GRIN2A: variants seen among roughly 807,000 people sequenced by gnomAD.
GRIN2A encodes the protein glutamate receptor ionotropic, NMDA 2A.
Under a neutral mutation model 113.4 loss-of-function variants are expected in GRIN2A, and 22 were observed. That is an observed-to-expected ratio of 0.19 (90% confidence interval 0.14 to 0.28). The LOEUF is 0.28. Ranked by LOEUF, GRIN2A falls within the 10% of genes least tolerant of loss-of-function variation. The pLI is 1.00. For synonymous variants in GRIN2A, 827 were observed against 738.4 expected, an observed-to-expected ratio of 1.12 and a Z score of -1.94; for missense variants, 1,502 against 1,887.0, an observed-to-expected ratio of 0.80 and a Z score of 3.78.
At chr16:9,815,820 G>A (rs975691373) in intron 10 of GRIN2A, among the ~76,000 whole-genome samples, 7 of 152,180 alleles carry the variant, frequency 4.6e-5, no homozygotes, top group South Asian at 2.1e-4. Context: ...ACACATCTAC[G>A]TTCACAGAAG....
chr16:9,893,623 T>C (rs2043744092), intron 3 of GRIN2A, among the ~76,000 whole-genome samples: 1 of 152,148 alleles, frequency 6.6e-6, no homozygotes, highest in African/African-American at 2.4e-5. Context: ...CCCACCACTA[T>C]GCCCAGCTAA....
chr16:9,962,821 C>T (rs1310107234), intron 2 of GRIN2A, among the ~76,000 whole-genome samples: 16 of 152,204 alleles, frequency 1.1e-4, no homozygotes, highest in African/African-American at 3.1e-4. Flanking sequence ...CACATACACA[C>T]GTATGTTTAC....
chr16:9,937,117 CTT>C (rs1489818198), intron 3 of GRIN2A, among the ~76,000 whole-genome samples: 4 of 152,084 alleles, frequency 2.6e-5, no homozygotes, highest in African/African-American at 9.7e-5. Flanking sequence ...ATGATGAATT[CTT>C]GAGGTGATGA....
rs765596168 is a variant in GRIN2A, at chr16:9,764,963, C to T, written c.2596-15G>A. The stretch of plus-strand genomic sequence containing the variant: ...CTGTAGATGCCCTGTAGGGGAGCAA[C>T]ATAAAGCACTGTCAGCAGCAGCAGC... On this transcript the variant is annotated splice_polypyrimidine_tract_variant and intron_variant, in intron 12 of 12. Transcript: ENST00000330684. The T allele has an allele frequency of 1.2e-6, 2 of 1,613,802 alleles. No individual in the cohort carries two copies. The highest frequency in any genetic ancestry group is 1.7e-6 in the Non-Finnish European group (2 of 1,180,008).
intron 11 of GRIN2A, among the ~76,000 whole-genome samples, chr16:9,789,833 C>A (rs1902493980): frequency 6.6e-6 from 1 of 152,190 alleles, no homozygotes; most frequent in Admixed American, 6.5e-5. Context: ...TGGAGCAACG[C>A]AGCTTTATTT....
chr16:10,022,957 A>C (rs1307621525), intron 2 of GRIN2A, among the ~76,000 whole-genome samples: 2 of 152,230 alleles, frequency 1.3e-5, no homozygotes, highest in African/African-American at 4.8e-5. Flanking sequence ...AATGTCTACC[A>C]GGGATAAACT....
Position 9,938,409 on chromosome 16 carries a change from A to G in GRIN2A, c.557T>C (p.Phe186Ser), listed in dbSNP as rs1596344817. 1 of 1,614,100 alleles carries G rather than the reference A, an allele frequency of 6.2e-7. No homozygotes were observed. Among genetic ancestry groups the G allele is most frequent in the East Asian group, 2.2e-5 (1 of 44,870 alleles). The stretch of plus-strand genomic sequence containing the variant: ...GCTGTTGTCCACTGTGGTCTTGACG[A>G]AGCTGATGAATTCCCTGTAGCCAGG... ...IFPGYREFISFVKTTVDNSFV... is the reference protein window; with the variant it reads ...IFPGYREFISSVKTTVDNSFV... Residue 186 changes from phenylalanine to serine, a missense_variant, in exon 3 of 13, where the codon TTC (phenylalanine) becomes TCC (serine). Physicochemically the swap from Phe to Ser is radical, Grantham distance 155. Coordinates refer to ENST00000330684, the MANE Select transcript of GRIN2A (RefSeq NM_001134407.3).
At chr16:10,157,591 C>T (rs1258260517) in intron 2 of GRIN2A, among the ~76,000 whole-genome samples, 2 of 152,098 alleles carry the variant, frequency 1.3e-5, no homozygotes, top group African/African-American at 4.8e-5. Flanking sequence ...ACCTTCTTCA[C>T]GGGGAGACAG....
chr16:10,181,686 C>CCCGG (rs2050274874), intron 1 of GRIN2A, 191 bp downstream of exon 1: 1 of 152,438 alleles, frequency 6.6e-6, no homozygotes. Context: ...CTCCAAGAGG[C>CCCGG]CTCGACGTTC....
In GRIN2A at chr16:9,829,419, T is replaced by G; in HGVS notation, c.2007+4A>C. 2 of 1,601,016 alleles carry G rather than the reference T, an allele frequency of 1.2e-6. No individual in the cohort carries two copies. The highest frequency in any genetic ancestry group is 8.6e-7 in the Non-Finnish European group (1 of 1,168,318). ...AGATGGAGAGGAAAGCAAGGTGACC[T>G]TACCTTTTTGTCACTGAGGCCGGTC... On this transcript the variant is annotated splice_donor_region_variant and intron_variant, in intron 9 of 12. Transcript: ENST00000330684.
At chr16:10,165,873 T>C (rs1237260257) in intron 2 of GRIN2A, among the ~76,000 whole-genome samples, 3 of 151,922 alleles carry the variant, frequency 2.0e-5, no homozygotes, top group African/African-American at 7.3e-5. Flanking sequence ...GCAAAACCAA[T>C]AGCAAATTTG....
At chr16:9,860,111 C>T (rs1348595858) in intron 4 of GRIN2A, among the ~76,000 whole-genome samples, 1 of 152,012 alleles carries the variant, frequency 6.6e-6, no homozygotes, top group African/African-American at 2.4e-5. Context: ...TTGAAGAACA[C>T]AGCTTCCTAA....
chr16:10,064,629 G>T (rs1049929811), intron 2 of GRIN2A, among the ~76,000 whole-genome samples: 3 of 152,182 alleles, frequency 2.0e-5, no homozygotes, highest in African/African-American at 4.8e-5. Flanking sequence ...AATGGCAAGA[G>T]AAATTAATAT....
chr16:10,097,131 G>A (rs1040095885), intron 2 of GRIN2A, among the ~76,000 whole-genome samples: 1 of 152,072 alleles, frequency 6.6e-6, no homozygotes. Context: ...TTTTAACAGC[G>A]AGATCAGGCC....
At chr16:9,992,245 G>C (rs376000715) in intron 2 of GRIN2A, among the ~76,000 whole-genome samples, 45 of 152,100 alleles carry the variant, frequency 3.0e-4, no homozygotes, top group African/African-American at 1.1e-3. Context: ...TTGCAATCCT[G>C]GTTCTTAATA....
chr16:10,169,689 T>C (rs2050000520), intron 2 of GRIN2A, among the ~76,000 whole-genome samples: 1 of 152,192 alleles, frequency 6.6e-6, no homozygotes, highest in African/African-American at 2.4e-5. Context: ...CTAAGCTAGA[T>C]CTGAGGCTCC....
rs550844500 is a variant in GRIN2A at position 9,997,973 on chromosome 16, T to A, written c.415-59422A>T. ...TGTAAATTACCCAGTCTTGGGTATT[T>A]CTTCATAGCAGTATGAAAATAGACT... On this transcript the variant is annotated intron_variant, in intron 2 of 12. Transcript: ENST00000330684. 2.0e-5 allele frequency among the ~76,000 whole-genome samples: 3 copies of A among 152,368 alleles called. No individual in the cohort carries two copies. The East Asian group carries it at 5.8e-4, about 29-fold the overall frequency.
chr16:10,072,694 C>T (rs1260940842), intron 2 of GRIN2A, among the ~76,000 whole-genome samples: 1 of 152,152 alleles, frequency 6.6e-6, no homozygotes, highest in Non-Finnish European at 1.5e-5. Flanking sequence ...TCAGAATCAC[C>T]TGGGAATCTG....
chr16:10,082,417 C>T (rs1287649036), intron 2 of GRIN2A, among the ~76,000 whole-genome samples: 1 of 152,218 alleles, frequency 6.6e-6, no homozygotes, highest in South Asian at 2.1e-4. Context: ...GTGATCTCCT[C>T]CCCTTGAGTA....
Sources: allele counts gnomAD v4.1 joint callset (sites outside exome capture counted in the v4.1 genomes callset), GRCh38; gene constraint gnomAD v4.1.1; transcripts MANE v1.5; gene names NCBI Gene and HGNC (gene_info 2026-07-23, HGNC 2026-07-21).